WDR7: variants seen among roughly 807,000 people sequenced by gnomAD.
WDR7 encodes the protein WD repeat-containing protein 7.
Under a neutral mutation model 169.4 loss-of-function variants are expected in WDR7, and 46 were observed. The observed-to-expected ratio is 0.27, with a 90% confidence interval of 0.21 to 0.35. The LOEUF (loss-of-function observed/expected upper bound fraction) is 0.35. Ranked by LOEUF, WDR7 falls within the 10% of genes least tolerant of loss-of-function variation. The pLI, the probability that WDR7 is intolerant of heterozygous loss-of-function variation, is 1.00. For synonymous variants in WDR7, 612 were observed against 666.8 expected, an observed-to-expected ratio of 0.92 and a Z score of 1.27; for missense variants, 1,534 against 1,859.3, an observed-to-expected ratio of 0.83 and a Z score of 3.22.
At chr18:56,656,279 G>GTTTTT (rs1217856567) in intron 1 of WDR7, among the ~76,000 whole-genome samples, 1 of 132,636 alleles carries the variant, frequency 7.5e-6, no homozygotes, top group African/African-American at 2.8e-5. Flanking sequence ...TACTGTCACT[G>GTTTTT]TTTTTTTTTT....
chr18:56,676,116 A>G (rs918323931), intron 2 of WDR7, among the ~76,000 whole-genome samples: 37 of 152,208 alleles, frequency 2.4e-4, no homozygotes, highest in African/African-American at 8.7e-4. Context: ...CTCCTTCATT[A>G]TTATATAGTG....
At chr18:56,877,689 T>G (rs1223939745) in intron 20 of WDR7, among the ~76,000 whole-genome samples, 2 of 152,214 alleles carry the variant, frequency 1.3e-5, no homozygotes, top group Non-Finnish European at 2.9e-5. Flanking sequence ...ATACGTTTGT[T>G]TATCCAGGGT....
rs758089277 is a variant in WDR7 at position 56,691,759 on chromosome 18, C to T, written c.908C>T (p.Ala303Val). ...TCATTCCGCAGTGATGTGGGGAAGG[C>T]AGTTGAAAATTTAATTCCTCCTGTA... ...SDSFRSDVGK[A>V]VENLIPPVQH... Residue 303 changes from alanine to valine, a missense_variant, in exon 9 of 28, where the codon GCA becomes GTA. Coordinates refer to ENST00000254442, the MANE Select transcript of WDR7 (RefSeq NM_015285.3). The T allele has an allele frequency of 1.2e-6, 2 of 1,612,566 alleles. No individual in the cohort carries two copies. Among genetic ancestry groups the T allele is most frequent in the Non-Finnish European group, 1.7e-6 (2 of 1,179,644 alleles).
intron 26 of WDR7, among the ~76,000 whole-genome samples, chr18:56,985,122 A>G (rs2047695880): frequency 6.6e-6 from 1 of 152,144 alleles, no homozygotes; most frequent in Non-Finnish European, 1.5e-5. Context: ...TCTGGAGAAC[A>G]TTTATTGTAT....
intron 21 of WDR7, among the ~76,000 whole-genome samples, chr18:56,892,287 C>T (rs1024361849): frequency 6.6e-6 from 1 of 152,108 alleles, no homozygotes; most frequent in African/African-American, 2.4e-5. Flanking sequence ...TTGCCTATCT[C>T]ACTTTAATTG....
chr18:56,816,524 A>G (rs1050484726), intron 20 of WDR7, among the ~76,000 whole-genome samples: 10 of 152,354 alleles, frequency 6.6e-5, no homozygotes, highest in Admixed American at 5.9e-4. Flanking sequence ...ATTTAATCAC[A>G]ATATATACAA....
chr18:57,006,239 G>A (rs936856966), intron 26 of WDR7, among the ~76,000 whole-genome samples: 11 of 152,030 alleles, frequency 7.2e-5, no homozygotes, highest in African/African-American at 1.9e-4. Flanking sequence ...CTAACAAAGT[G>A]CATTCTGTGT....
intron 21 of WDR7, among the ~76,000 whole-genome samples, chr18:56,902,923 G>A (rs956443941): frequency 6.6e-6 from 1 of 152,174 alleles, no homozygotes; most frequent in African/African-American, 2.4e-5. Context: ...TGCGTTTTAT[G>A]TCTAGGAATG....
intron 26 of WDR7, among the ~76,000 whole-genome samples, chr18:57,019,316 C>T (rs2048252488): frequency 6.6e-6 from 1 of 152,156 alleles, no homozygotes. Flanking sequence ...CTTTACAAAG[C>T]TCTTTGAGTT....
chr18:56,940,902 C>G lies in WDR7; in HGVS notation c.4064+1509C>G, dbSNP rs566862051. The stretch of plus-strand genomic sequence containing the variant: ...CCATATACTCAATCCCTAAAACCAC[C>G]TTAGTCTGCTGCATATGCACTTTTG... On this transcript the variant is annotated intron_variant, in intron 25 of 27. Coordinates refer to ENST00000254442, the MANE Select transcript of WDR7 (RefSeq NM_015285.3). 5.9e-5 allele frequency among the ~76,000 whole-genome samples: 9 copies of G among 152,274 alleles called. No individual in the cohort carries two copies. In the South Asian group the frequency reaches 1.9e-3, roughly 32 times the overall value.
intron 14 of WDR7, among the ~76,000 whole-genome samples, chr18:56,754,277 GTGTGTGTGTA>G (rs879475921): frequency 4.9e-4 from 70 of 142,048 alleles, no homozygotes; most frequent in Admixed American, 2.4e-3. Flanking sequence ...GTGTGTGTGT[GTGTGTGTGTA>G]TATGTGTGTG....
intron 14 of WDR7, among the ~76,000 whole-genome samples, chr18:56,735,796 GA>G (rs1476404863): frequency 6.6e-6 from 1 of 152,194 alleles, no homozygotes; most frequent in African/African-American, 2.4e-5. Flanking sequence ...GACAATATGT[GA>G]ACAAATGAGC....
At chr18:56,761,961 C>A (rs533564170) in intron 16 of WDR7, among the ~76,000 whole-genome samples, 1 of 152,026 alleles carries the variant, frequency 6.6e-6, no homozygotes, top group Admixed American at 6.5e-5. Context: ...AACTTTTAAA[C>A]CTTTCATAAT....
chr18:56,805,672 T>C lies in WDR7; in HGVS notation c.3191-10359T>C, dbSNP rs546841677. Among the ~76,000 whole-genome samples the C allele has an allele frequency of 6.6e-5, 10 of 152,088 alleles. No individual in the cohort carries two copies. The South Asian group carries it at 2.1e-3, about 32-fold the overall frequency. On this transcript the variant is annotated intron_variant, in intron 19 of 27. Coordinates refer to ENST00000254442, the MANE Select transcript of WDR7 (RefSeq NM_015285.3). ...ATAGGATTTTTTTTTTTTTTACTTATCCCCAAATCTCAGGTATTGAAGTTT... is the reference window on the plus strand; with the variant it reads ...ATAGGATTTTTTTTTTTTTTACTTACCCCCAAATCTCAGGTATTGAAGTTT...
intron 1 of WDR7, among the ~76,000 whole-genome samples, chr18:56,671,563 G>T (rs2025135906): frequency 6.6e-6 from 1 of 152,114 alleles, no homozygotes; most frequent in Non-Finnish European, 1.5e-5. Flanking sequence ...GAGCCACTGC[G>T]CCCGGCCCTG....
chr18:56,746,954 C>G (rs970874947), intron 14 of WDR7, among the ~76,000 whole-genome samples: 3 of 152,178 alleles, frequency 2.0e-5, no homozygotes, highest in African/African-American at 7.2e-5. Context: ...GGAGAATTAC[C>G]CCTGCTCAAA....
intron 19 of WDR7, among the ~76,000 whole-genome samples, chr18:56,799,700 T>C (rs1008287988): frequency 3.9e-5 from 6 of 152,198 alleles, no homozygotes; most frequent in African/African-American, 1.4e-4. Context: ...TGTGGGTGTA[T>C]ATTTATGGTG....
At chr18:56,750,939 A>G (rs2043781307) in intron 14 of WDR7, among the ~76,000 whole-genome samples, 1 of 152,330 alleles carries the variant, frequency 6.6e-6, no homozygotes, top group South Asian at 2.1e-4. Context: ...ATTACAAGTT[A>G]TGCAGGACTT....
rs1274050713 is a variant in WDR7 at position 56,879,982 on chromosome 18, A to G, written c.3343A>G (p.Thr1115Ala). ...SSVPQMKKIS[T>A]SYEERRKQAT... ...TGTCCCACAAATGAAAAAAATTTCTACATCTTACGAGGAAAGACGGAAGCA... is the reference window on the plus strand; with the variant it reads ...TGTCCCACAAATGAAAAAAATTTCTGCATCTTACGAGGAAAGACGGAAGCA... Residue 1115 changes from threonine to alanine, a missense_variant, in exon 21 of 28, where the codon ACA (threonine) becomes GCA (alanine). Coordinates refer to ENST00000254442, the MANE Select transcript of WDR7 (RefSeq NM_015285.3). 5.6e-6 allele frequency: 9 copies of G among 1,613,986 alleles called. No homozygotes were observed. The highest frequency in any genetic ancestry group is 7.6e-6 in the Non-Finnish European group (9 of 1,179,938).
Sources: allele counts gnomAD v4.1 joint callset (sites outside exome capture counted in the v4.1 genomes callset), GRCh38; gene constraint gnomAD v4.1.1; transcripts MANE v1.5; gene names NCBI Gene and HGNC (gene_info 2026-07-23, HGNC 2026-07-21).